PXDNL: variants seen among roughly 807,000 people sequenced by gnomAD.
PXDNL encodes the protein peroxidasin like, also known as probable oxidoreductase PXDNL.
A neutral mutation model predicts 150.8 loss-of-function variants in PXDNL; 145 were observed. The ratio of observed to expected loss-of-function variants is 0.96; its 90% CI spans 0.84 to 1.10. The LOEUF (loss-of-function observed/expected upper bound fraction) is 1.10, where lower values mean the gene tolerates loss of function less well. PXDNL is among the 50% of genes least tolerant of loss of function. PXDNL has a pLI of 0.00. For missense variants in PXDNL, 2,087 were observed against 1,873.9 expected (o/e 1.11, Z -2.10); for synonymous variants, 757 against 725.7 (o/e 1.04, Z -0.69).
chr8:51,408,411 T>C lies in PXDNL; in HGVS notation c.3213A>G (p.Leu1071=), dbSNP rs1158216507. 1 of 1,613,914 alleles carries C rather than the reference T, an allele frequency of 6.2e-7. No homozygotes were observed. The highest frequency in any genetic ancestry group is 1.3e-5 in the African/African-American group (1 of 74,948). ...NPILYRLNAT[L]GEISEGHLPF... ...GAAGGTGGCCTTCGGAAATTTCACC[T>C]AAGGTGGCATTCAGTCGGTAAAGAA... Residue 1071 remains leucine (L), a synonymous_variant, in exon 17 of 23, where the codon TTA becomes TTG. Transcript: ENST00000356297.
chr8:51,361,102 G>A (rs1806723042), intron 19 of PXDNL, among the ~76,000 whole-genome samples: 2 of 152,204 alleles, frequency 1.3e-5, no homozygotes, highest in Admixed American at 6.5e-5. Flanking sequence ...AGCAACTGGG[G>A]ATCATGGTAT....
At chr8:51,434,431 C>A (rs1343645078) in intron 12 of PXDNL, among the ~76,000 whole-genome samples, 1 of 152,206 alleles carries the variant, frequency 6.6e-6, no homozygotes, top group Non-Finnish European at 1.5e-5. Flanking sequence ...TTAACACTCT[C>A]TGGAATACAC....
chr8:51,475,289 T>A, intron 6 of PXDNL, 148 bp from the exon 7 acceptor site: 1 of 732,428 alleles, frequency 1.4e-6, no homozygotes. Flanking sequence ...AAACAGATTT[T>A]AAGAATCACT....
intron 1 of PXDNL, among the ~76,000 whole-genome samples, chr8:51,719,100 C>T (rs112274100): frequency 0.037 from 5,693 of 152,132 alleles, 343 homozygotes; most frequent in African/African-American, 0.12. Flanking sequence ...GCCCGGCCGC[C>T]CCTTCTAGGA....
intron 2 of PXDNL, among the ~76,000 whole-genome samples, chr8:51,643,486 C>T (rs1357911321): frequency 1.3e-5 from 2 of 152,138 alleles, no homozygotes; most frequent in African/African-American, 2.4e-5. Context: ...AACTGGCCTG[C>T]CATATGTAGA....
chr8:51,788,250 G>A (rs1223085604), intron 1 of PXDNL, among the ~76,000 whole-genome samples: 2 of 152,154 alleles, frequency 1.3e-5, no homozygotes, highest in African/African-American at 4.8e-5. Flanking sequence ...ATAATTTTGA[G>A]GACCATTAAT....
intron 17 of PXDNL, among the ~76,000 whole-genome samples, chr8:51,399,984 ATATT>A (rs1294476640): frequency 5.3e-5 from 8 of 152,228 alleles, no homozygotes; most frequent in Admixed American, 5.2e-4. Flanking sequence ...CTTCAGTTGA[ATATT>A]TATAATTGTA....
At chr8:51,758,931 T>C (rs762436986) in intron 1 of PXDNL, among the ~76,000 whole-genome samples, 4 of 152,222 alleles carry the variant, frequency 2.6e-5, no homozygotes, top group Non-Finnish European at 4.4e-5. Context: ...TCTCCAGTGT[T>C]GCCACTGCTA....
intron 12 of PXDNL, among the ~76,000 whole-genome samples, chr8:51,430,213 T>C (rs1809217341): frequency 6.6e-6 from 1 of 152,236 alleles, no homozygotes; most frequent in South Asian, 2.1e-4. Flanking sequence ...ACTATGCCCT[T>C]GCATCTCCTC....
intron 10 of PXDNL, among the ~76,000 whole-genome samples, chr8:51,452,935 A>AACACACACACACACACACACACAC (rs146990384): frequency 7.0e-6 from 1 of 142,560 alleles, no homozygotes; most frequent in African/African-American, 2.7e-5. Flanking sequence ...CACACACACA[A>AACACACACACACACACACACACAC]ACACACACAC....
intron 8 of PXDNL, among the ~76,000 whole-genome samples, chr8:51,458,247 T>C (rs113748045): frequency 2.4e-4 from 37 of 152,328 alleles, no homozygotes; most frequent in African/African-American, 8.7e-4. Context: ...GAAAGTCCCA[T>C]TTATCAATTA....
intron 4 of PXDNL, among the ~76,000 whole-genome samples, chr8:51,513,277 A>G (rs937535999): frequency 6.6e-6 from 1 of 151,946 alleles, no homozygotes; most frequent in African/African-American, 2.4e-5. Context: ...CGGCATAAAC[A>G]CTCTGAGGAT....
intron 1 of PXDNL, among the ~76,000 whole-genome samples, chr8:51,722,844 T>C (rs1333680067): frequency 6.6e-6 from 1 of 152,060 alleles, no homozygotes; most frequent in Admixed American, 6.5e-5. Flanking sequence ...TTTTCTATTT[T>C]AGGGAGCAAA....
intron 2 of PXDNL, among the ~76,000 whole-genome samples, chr8:51,619,217 G>T (rs948955400): frequency 1.3e-5 from 2 of 152,104 alleles, no homozygotes; most frequent in Non-Finnish European, 2.9e-5. Context: ...AAACCAGAAG[G>T]CCCTTTCCCT....
At position 51,408,930 on chromosome 8, in the gene PXDNL, G is replaced by T. The variant is rs1315338467; in HGVS notation, c.2694C>A (p.Asn898Lys). 1.2e-6 allele frequency: 2 copies of T among 1,612,630 alleles called. No individual in the cohort carries two copies. Among genetic ancestry groups the T allele is most frequent in the Non-Finnish European group, 1.7e-6 (2 of 1,179,678 alleles). ...NQQTAYIDGS[N>K]VYGSSERESQ... ...ATTCCCGCTCCGAGCTCCCGTAAACGTTGGAGCCATCGATGTAGGCTGTTT... is the reference window on the plus strand; with the variant it reads ...ATTCCCGCTCCGAGCTCCCGTAAACTTTGGAGCCATCGATGTAGGCTGTTT... The change falls in exon 17 of 23, where the codon AAC becomes AAA. Residue 898 changes from asparagine to lysine, a missense_variant. Physicochemically the swap from Asn to Lys is moderately conservative, Grantham distance 94. Coordinates refer to ENST00000356297, the MANE Select transcript of PXDNL (RefSeq NM_144651.5).
chr8:51,744,212 G>T (rs1456441504), intron 1 of PXDNL, among the ~76,000 whole-genome samples: 16 of 142,190 alleles, frequency 1.1e-4, no homozygotes, highest in African/African-American at 4.2e-4. Flanking sequence ...AGAAAAGAAA[G>T]GAAGGAAGGG....
rs562488000 is a variant in PXDNL, at chr8:51,491,042, G to A, written c.453-7328C>T. On this transcript the variant is annotated intron_variant, in intron 5 of 22. Transcript: ENST00000356297. Reference sequence around the variant, plus strand: ...ATCTAATCAGCTGCCGGCGTGGCCAGAATAAAAAGCAGGCAGAAGAACGTA... The same window carrying A: ...ATCTAATCAGCTGCCGGCGTGGCCAAAATAAAAAGCAGGCAGAAGAACGTA... Among the ~76,000 whole-genome samples the A allele has an allele frequency of 9.2e-5, 14 of 152,142 alleles. No individual in the cohort carries two copies. In the South Asian group the frequency reaches 2.1e-3, roughly 23 times the overall value.
intron 19 of PXDNL, among the ~76,000 whole-genome samples, chr8:51,365,191 G>A (rs1480449730): frequency 6.6e-6 from 1 of 152,152 alleles, no homozygotes; most frequent in East Asian, 1.9e-4. Context: ...GCCCACCTCG[G>A]CCTCCCAAAG....
intron 4 of PXDNL, among the ~76,000 whole-genome samples, chr8:51,543,710 C>CAAAAAAAA (rs572642373): frequency 9.4e-4 from 56 of 59,782 alleles, no homozygotes; most frequent in South Asian, 1.2e-3. Context: ...GACTCCATAT[C>CAAAAAAAA]AAAAAAAAAA....
Sources: allele counts gnomAD v4.1 joint callset (sites outside exome capture counted in the v4.1 genomes callset), GRCh38; gene constraint gnomAD v4.1.1; transcripts MANE v1.5; gene names NCBI Gene and HGNC (gene_info 2026-07-23, HGNC 2026-07-21).